EXOC3L1: variants seen among roughly 807,000 people sequenced by gnomAD.
The protein encoded by EXOC3L1 is exocyst complex component 3 like 1.
Under a neutral mutation model 83.6 loss-of-function variants are expected in EXOC3L1, and 79 were observed. That is an observed-to-expected ratio of 0.95 (90% CI 0.79 to 1.14). The LOEUF (loss-of-function observed/expected upper bound fraction) is 1.14, where lower values mean the gene tolerates loss of function less well. EXOC3L1 is among the 50% of genes most tolerant of loss of function. EXOC3L1 has a pLI of 0.00. For synonymous variants in EXOC3L1, 433 were observed against 451.2 expected (o/e 0.96, Z 0.51); for missense variants, 945 against 972.0 (o/e 0.97, Z 0.37).
Position 67,189,135 on chromosome 16 carries a change from C to A in EXOC3L1, c.92G>T (p.Gly31Val). The A allele has an allele frequency of 6.2e-7, 1 of 1,607,316 alleles. No individual in the cohort carries two copies. Residue 31 changes from glycine to valine, a missense_variant, in exon 3 of 14, where the codon GGT becomes GTT. Coordinates refer to ENST00000314586, the MANE Select transcript of EXOC3L1 (RefSeq NM_178516.4). ...EQERAEQLARGAALKWASGIF... is the reference protein window; with the variant it reads ...EQERAEQLARVAALKWASGIF... Reference sequence around the variant, plus strand: ...GCCTGAGGCCCACTTGAGCGCTGCACCCCGGGCCAGCTGCTCTGCCCGCTC... The same window carrying A: ...GCCTGAGGCCCACTTGAGCGCTGCAACCCGGGCCAGCTGCTCTGCCCGCTC...
chr16:67,184,759 G>A lies in EXOC3L1; in HGVS notation c.1957C>T (p.Leu653=). The A allele has an allele frequency of 6.3e-7, 1 of 1,593,894 alleles. No homozygotes were observed. The highest frequency in any genetic ancestry group is 8.5e-7 in the Non-Finnish European group (1 of 1,174,734). The stretch of plus-strand genomic sequence containing the variant: ...AGCGCGGGGTCGCGGAGGTTTAGCA[G>A]CTCCCTCAGGGCGAGCAGCACCGGC... ...CAPVLLALRE[L]LNLRDPALLG... The change falls in exon 13 of 14, where the codon CTG becomes TTG. Residue 653 remains leucine (L), a synonymous_variant. Coordinates refer to ENST00000314586, the MANE Select transcript of EXOC3L1 (RefSeq NM_178516.4).
rs542335656 is a variant in EXOC3L1, at chr16:67,186,318, C to T, written c.1415G>A (p.Arg472Gln). 3 of 1,567,294 alleles carry T rather than the reference C, an allele frequency of 1.9e-6. No homozygotes were observed. Among genetic ancestry groups the T allele is most frequent in the South Asian group, 2.3e-5 (2 of 85,412 alleles). The change falls in exon 9 of 14, where the codon CGA (arginine) becomes CAA (glutamine). Residue 472 changes from arginine (R) to glutamine (Q), a missense_variant. Arg to Gln is a conservative substitution (Grantham distance 43). Transcript: ENST00000314586. ...SFSDALIRFS[R>Q]DHFRGKSMAP... ...CATTGATTTCCCCCTGAAGTGGTCTCGGGAGAATCGGATCAGAGCATCACT... is the reference window on the plus strand; with the variant it reads ...CATTGATTTCCCCCTGAAGTGGTCTTGGGAGAATCGGATCAGAGCATCACT...
intron 9 of EXOC3L1, 119 bp from the exon 10 acceptor site, chr16:67,185,609 G>A: frequency 1.1e-6 from 1 of 909,158 alleles, no homozygotes; most frequent in Non-Finnish European, 1.7e-6. Context: ...AGCGAGAACA[G>A]CGGCTCTCTG....
chr16:67,189,528 T>C (rs2145991320), intron 2 of EXOC3L1, 103 bp downstream of exon 2: 1 of 1,402,350 alleles, frequency 7.1e-7, no homozygotes, highest in Non-Finnish European at 1.0e-6. Context: ...CTGCCCATCT[T>C]GACCTCCCAA....
intron 9 of EXOC3L1, chr16:67,185,793 T>TA (rs1029140320): frequency 1.9e-6 from 1 of 515,108 alleles, no homozygotes; most frequent in Admixed American, 3.4e-5. Flanking sequence ...GAGGAGGGAG[T>TA]AAAAAATCAT....
At chr16:67,185,865 G>T (rs1330594299) in intron 9 of EXOC3L1, among the ~76,000 whole-genome samples, 9 of 152,198 alleles carry the variant, frequency 5.9e-5, no homozygotes, top group Admixed American at 5.9e-4. Context: ...GAGTGTGTGT[G>T]TGTGTGCGTG....
Position 67,186,823 on chromosome 16 carries a change from TC to T in EXOC3L1, c.1219del (p.Glu407SerfsTer54). 6.2e-7 allele frequency: 1 copy of T among 1,613,528 alleles called. No individual in the cohort carries two copies. The highest frequency in any genetic ancestry group is 8.5e-7 in the Non-Finnish European group (1 of 1,179,980). On this transcript the variant is annotated frameshift_variant, in exon 7 of 14. Coordinates refer to ENST00000314586, the MANE Select transcript of EXOC3L1 (RefSeq NM_178516.4). LOFTEE classifies it high-confidence loss of function. ...AGACGGGTCTGTGTTGGGCCCATGCTCCCGGCCCCACTCAGCTACCTCCCCA... is the reference window on the plus strand; with the variant it reads ...AGACGGGTCTGTGTTGGGCCCATGCTCCGGCCCCACTCAGCTACCTCCCCA... ...LDGEVAEWGR[E>X]HGPNTDPSGS...
chr16:67,188,855 T>C lies in EXOC3L1; in HGVS notation c.293A>G (p.Glu98Gly), dbSNP rs1185234918. The C allele has an allele frequency of 1.9e-6, 3 of 1,613,188 alleles. No homozygotes were observed. In the East Asian group the frequency reaches 6.7e-5, roughly 36 times the overall value. ...QAIEVVQGTR[E>G]ALSQARGLLQ... ...CAACCCACGGGCCTGGCTCAGGGCC[T>C]CCCGGGTTCCCTGCACCACCTCAAT... Residue 98 changes from glutamate to glycine, a missense_variant, in exon 4 of 14, where the codon GAG (glutamate) becomes GGG (glycine). Coordinates refer to ENST00000314586, the MANE Select transcript of EXOC3L1 (RefSeq NM_178516.4).
chr16:67,186,617 T>A lies in EXOC3L1; in HGVS notation c.1325A>T (p.Glu442Val). ...GCCATGCACTCGCTGTTGCAGTGAC[T>A]CACTGACCAGGCTGGCCACACGAAT... ...ENIRVASLVS[E>V]SLQQRVHGMA... The change falls in exon 8 of 14, where the codon GAG becomes GTG. Residue 442 changes from glutamate to valine, a missense_variant. Coordinates refer to ENST00000314586, the MANE Select transcript of EXOC3L1 (RefSeq NM_178516.4). 2 of 1,614,124 alleles carry A rather than the reference T, an allele frequency of 1.2e-6. No individual in the cohort carries two copies. The highest frequency in any genetic ancestry group is 1.7e-6 in the Non-Finnish European group (2 of 1,179,992).
In EXOC3L1 at chr16:67,184,449, GGCGCGA is replaced by G; in HGVS notation, c.2180_2185del (p.Leu727_Ala728del). 1 of 1,529,230 alleles carries G rather than the reference GGCGCGA, an allele frequency of 6.5e-7. No individual in the cohort carries two copies. Among genetic ancestry groups the G allele is most frequent in the Non-Finnish European group, 8.7e-7 (1 of 1,144,148 alleles). 94.7% of individuals were successfully genotyped at this position (1,529,230 alleles called of 1,614,324 possible). On this transcript the variant is annotated inframe_deletion, in exon 14 of 14. Coordinates refer to ENST00000314586, the MANE Select transcript of EXOC3L1 (RefSeq NM_178516.4). Reference sequence around the variant, plus strand: ...GGACCCCGAGGGCAGGCAGGAGGCCGGCGCGAGCGCGGGCGCGGGCACTAGGCTGAA... The same window carrying G: ...GGACCCCGAGGGCAGGCAGGAGGCCGGCGCGGGCGCGGGCACTAGGCTGAA...
Sources: gnomAD v4.1 joint callset for allele counts (sites outside exome capture counted in the v4.1 genomes callset) on GRCh38, gnomAD v4.1.1 for gene constraint, MANE v1.5 for transcripts, NCBI Gene and HGNC (gene_info 2026-07-23, HGNC 2026-07-21) for gene names.